MICALL2: variants seen among roughly 807,000 people sequenced by gnomAD.
The protein encoded by MICALL2 is MICAL like 2, also known as MICAL-like protein 2.
In MICALL2, 111 loss-of-function variants were observed where a neutral mutation model predicts 91.1. That is an observed-to-expected ratio of 1.22 (90% CI 1.04 to 1.43). The LOEUF is 1.43. Among genes scored for constraint, MICALL2 ranks in the 40% most tolerant of loss-of-function variants. MICALL2 has a pLI of 0.00. For missense variants in MICALL2, 1,556 were observed against 1,236.0 expected, an observed-to-expected ratio of 1.26 and a Z score of -3.88; for synonymous variants, 694 against 525.3, an observed-to-expected ratio of 1.32 and a Z score of -4.39.
chr7:1,444,578 C>A, intron 6 of MICALL2, 74 bp downstream of exon 6: 3 of 1,444,598 alleles, frequency 2.1e-6, no homozygotes, highest in Non-Finnish European at 2.8e-6. Flanking sequence ...GCCCCCAACC[C>A]CTCTGGCCTC....
intron 15 of MICALL2, among the ~76,000 whole-genome samples, chr7:1,435,508 G>C (rs964712264): frequency 6.6e-6 from 1 of 151,446 alleles, no homozygotes; most frequent in Admixed American, 6.6e-5. Context: ...GGCCTGGGCC[G>C]ACCACACAGG....
intron 2 of MICALL2, 95 bp from the exon 3 acceptor site, chr7:1,448,856 A>G: frequency 6.8e-7 from 1 of 1,480,010 alleles, no homozygotes. Flanking sequence ...ACAGTCTTGG[A>G]GCCCAAAGAG....
intron 14 of MICALL2, 114 bp downstream of exon 14, chr7:1,437,421 G>A (rs1562445920): frequency 3.3e-6 from 3 of 907,802 alleles, no homozygotes; most frequent in East Asian, 2.9e-5. Flanking sequence ...CCTGGCTCCA[G>A]GGAAGGTCTC....
intron 13 of MICALL2, 61 bp downstream of exon 13, chr7:1,437,829 G>A (rs1158395668): frequency 6.8e-7 from 1 of 1,467,390 alleles, no homozygotes; most frequent in Non-Finnish European, 9.3e-7. Context: ...CCCCCGCCTG[G>A]CCTGCCCAGC....
intron 15 of MICALL2, among the ~76,000 whole-genome samples, 194 bp from the exon 16 acceptor site, chr7:1,435,341 G>C (rs1170446244): frequency 1.3e-5 from 2 of 152,146 alleles, no homozygotes; most frequent in African/African-American, 2.4e-5. Flanking sequence ...CTCTTCCAGA[G>C]CCAGCCCCTC....
At chr7:1,442,671 C>T (rs537981350) in intron 6 of MICALL2, among the ~76,000 whole-genome samples, 187 bp from the exon 7 acceptor site, 5 of 139,666 alleles carry the variant, frequency 3.6e-5, no homozygotes, top group African/African-American at 1.0e-4. Flanking sequence ...CCGCCTCCCC[C>T]ACCATTGCAC....
At chr7:1,437,777 G>T in intron 13 of MICALL2, 113 bp downstream of exon 13, 1 of 1,250,232 alleles carries the variant, frequency 8.0e-7, no homozygotes, top group Non-Finnish European at 1.1e-6. Context: ...TCCTGGACCT[G>T]CCGCACAGAC....
rs1048072516 is a variant in MICALL2 at position 1,446,948 on chromosome 7, C to T, written c.526-120G>A. ...ATGGAGAACTGGCCAGGAGAGGAGC[C>T]GCCAGCAGGGCTGCGGTCGGGGTCA... On this transcript the variant is annotated intron_variant, in intron 4 of 16. Coordinates refer to ENST00000297508, the MANE Select transcript of MICALL2 (RefSeq NM_182924.4). 46 of 713,094 alleles carry T rather than the reference C, an allele frequency of 6.5e-5. No individual in the cohort carries two copies. In the African/African-American group the frequency reaches 7.0e-4, roughly 11 times the overall value. 44.2% of individuals were successfully genotyped at this position (713,094 alleles called of 1,614,324 possible).
chr7:1,436,036 G>A (rs1469992766), intron 15 of MICALL2, among the ~76,000 whole-genome samples: 1 of 149,932 alleles, frequency 6.7e-6, no homozygotes, highest in East Asian at 2.0e-4. Flanking sequence ...CTGGGCGACA[G>A]AGCAAGACTC....
chr7:1,440,266 G>A (rs745628121), intron 8 of MICALL2, 181 bp from the exon 9 acceptor site: 24 of 733,526 alleles, frequency 3.3e-5, no homozygotes, highest in Non-Finnish European at 3.0e-5. Context: ...CGTGTCCATC[G>A]CTACCTGCCG....
intron 15 of MICALL2, among the ~76,000 whole-genome samples, chr7:1,435,487 TG>T (rs1351186101): frequency 2.7e-4 from 38 of 140,074 alleles, no homozygotes; most frequent in African/African-American, 7.6e-4. Context: ...ACCGGTGACC[TG>T]GGACAGGAGG....
Position 1,435,138 on chromosome 7 carries a change from C to T in MICALL2, c.2601G>A (p.Glu867=). 1.2e-6 allele frequency: 2 copies of T among 1,613,596 alleles called. No homozygotes were observed. The highest frequency in any genetic ancestry group is 1.7e-6 in the Non-Finnish European group (2 of 1,179,980). The change falls in exon 16 of 17, where the codon GAG becomes GAA. Residue 867 remains glutamate (E), a synonymous_variant. Transcript: ENST00000297508. The part of the protein sequence containing the change: ...SLDEDRLREQ[E]EDQMLRDMIE... ...TCATGTCCCGCAGCATCTGATCCTC[C>T]TCTTGTTCCCTGAAACGGGACCAGA... is the stretch of plus-strand genomic sequence containing the variant.
chr7:1,435,714 C>T (rs560476456), intron 15 of MICALL2, among the ~76,000 whole-genome samples: 54 of 152,340 alleles, frequency 3.5e-4, no homozygotes, highest in African/African-American at 1.3e-3. Context: ...TCACACAGTC[C>T]GTGCAGGAGC....
At chr7:1,458,207 G>C (rs925376097) in intron 1 of MICALL2, among the ~76,000 whole-genome samples, 1 of 152,228 alleles carries the variant, frequency 6.6e-6, no homozygotes, top group Non-Finnish European at 1.5e-5. Flanking sequence ...TGCGCAACGG[G>C]CTGGGGCTGT....
Position 1,438,312 on chromosome 7 carries a change from C to A in MICALL2, c.2164G>T (p.Glu722Ter). 1 of 1,603,522 alleles carries A rather than the reference C, an allele frequency of 6.2e-7. No homozygotes were observed. The highest frequency in any genetic ancestry group is 2.2e-5 in the East Asian group (1 of 44,514). ...SPANVPALPG[E>*]TVTSPVRLHP... ...ACCCTGACTGGGGAGGTCACCGTCT[C>A]GCCAGGCAGAGCAGGGACATTGGCC... is the stretch of plus-strand genomic sequence containing the variant. The change falls in exon 11 of 17, where the codon GAG (glutamate) becomes TAG (stop). Residue 722 changes from glutamate to a stop codon, truncating the protein, a stop_gained. Coordinates refer to ENST00000297508, the MANE Select transcript of MICALL2 (RefSeq NM_182924.4). LOFTEE classifies it high-confidence loss of function.
At chr7:1,447,829 C>G in intron 3 of MICALL2, 64 bp from the exon 4 acceptor site, 1 of 1,281,312 alleles carries the variant, frequency 7.8e-7, no homozygotes, top group Non-Finnish European at 1.0e-6. Flanking sequence ...CTAGTCCCTC[C>G]AGAGGTCCCA....
chr7:1,446,706 GC>G lies in MICALL2; in HGVS notation c.641+6del. The stretch of plus-strand genomic sequence containing the variant: ...CACTCAGGCGTGCGGGCAGAGGGCA[GC>G]CCCACCTGAAGCAGCTCCGGTGGTA... On this transcript the variant is annotated splice_donor_region_variant and intron_variant, in intron 5 of 16. Coordinates refer to ENST00000297508, the MANE Select transcript of MICALL2 (RefSeq NM_182924.4). 2 of 1,577,930 alleles carry G rather than the reference GC, an allele frequency of 1.3e-6. No individual in the cohort carries two copies. The highest frequency in any genetic ancestry group is 1.7e-6 in the Non-Finnish European group (2 of 1,160,848).
rs752468617 is a variant in MICALL2 at position 1,451,891 on chromosome 7, T to C, written c.144-1603A>G. On this transcript the variant is annotated intron_variant, in intron 1 of 16. Transcript: ENST00000297508. This position sits in a 1 kb window ranked among gnomAD's most constrained non-coding sequence, Gnocchi z 4.5. ...AGCCCTTGCCAGGCCCTGACCCCCA[T>C]AAGAATGCTCCGAGGCCCGGACAGT... 6.6e-5 allele frequency among the ~76,000 whole-genome samples: 10 copies of C among 152,132 alleles called. No homozygotes were observed. The highest frequency in any genetic ancestry group is 1.3e-4 in the Non-Finnish European group (9 of 68,018).
At chr7:1,447,199 C>T (rs539668018) in intron 4 of MICALL2, among the ~76,000 whole-genome samples, 5 of 152,316 alleles carry the variant, frequency 3.3e-5, no homozygotes, top group Admixed American at 2.0e-4. Context: ...TATTTGCCCA[C>T]CGCCTTCCAC....
Sources: allele counts gnomAD v4.1 joint callset (sites outside exome capture counted in the v4.1 genomes callset), GRCh38; gene constraint gnomAD v4.1.1; non-coding constraint Gnocchi (gnomAD v3.1); transcripts MANE v1.5; gene names NCBI Gene and HGNC (gene_info 2026-07-23, HGNC 2026-07-21).